IST1: variants seen among roughly 807,000 people sequenced by gnomAD.
IST1 encodes the protein IST1 homolog.
IST1 carries 23 observed loss-of-function variants against 37.0 expected under a neutral mutation model. The observed-to-expected ratio is 0.62, with a 90% confidence interval of 0.45 to 0.88. The LOEUF is 0.88. IST1 is among the 40% of genes least tolerant of loss of function. The pLI is 0.00. For synonymous variants in IST1, 180 were observed against 161.7 expected, an observed-to-expected ratio of 1.11 and a Z score of -0.86; for missense variants, 488 against 445.4, an observed-to-expected ratio of 1.10 and a Z score of -0.86.
chr16:71,921,250 C>T (rs1347464260), intron 5 of IST1, 93 bp from the exon 6 acceptor site: 6 of 767,520 alleles, frequency 7.8e-6, no homozygotes, highest in Non-Finnish European at 1.4e-5. Flanking sequence ...TCAATATTAC[C>T]TGTAAAATGA....
chr16:71,923,576 C>T, intron 8 of IST1, 196 bp downstream of exon 8: 1 of 428,508 alleles, frequency 2.3e-6, no homozygotes, highest in South Asian at 3.3e-5. Context: ...TCATTGGTGG[C>T]AATGCTTTGT....
At position 71,928,807 on chromosome 16, in the gene IST1, T is replaced by G. The variant is rs921154069; in HGVS notation, c.*994T>G. 1 of 152,270 alleles carries G rather than the reference T, an allele frequency of 6.6e-6. No individual in the cohort carries two copies. The highest frequency in any genetic ancestry group is 6.5e-5 in the Admixed American group (1 of 15,286). The allele number at this position is 152,270 out of a possible 1,614,324, so 9.4% of individuals were successfully genotyped here. A position where few individuals can be genotyped will look rare whatever the true frequency, so the allele number is the denominator to read the frequency against. On this transcript the variant is annotated 3_prime_UTR_variant, in exon 10 of 10. Coordinates refer to ENST00000378799, the MANE Select transcript of IST1 (RefSeq NM_001270975.2). Reference sequence around the variant, plus strand: ...CTTTCCTGGATGGATGGGACTCTTATGTCATAACTTCTGTTACTCCTTTGG... The same window carrying G: ...CTTTCCTGGATGGATGGGACTCTTAGGTCATAACTTCTGTTACTCCTTTGG...
chr16:71,923,273 T>A lies in IST1; in HGVS notation c.760-15T>A, dbSNP rs747261089. On this transcript the variant is annotated splice_polypyrimidine_tract_variant and intron_variant, in intron 7 of 9. Transcript: ENST00000378799. Reference sequence around the variant, plus strand: ...TGGAGGCAGTGTCTCTGATGTTGCCTTTCTCCTCTTACAGTCAGATTTCAA... The same window carrying A: ...TGGAGGCAGTGTCTCTGATGTTGCCATTCTCCTCTTACAGTCAGATTTCAA... The A allele has an allele frequency of 1.3e-6, 2 of 1,563,618 alleles. No homozygotes were observed. The highest frequency in any genetic ancestry group is 1.7e-5 in the Admixed American group (1 of 58,932).
At chr16:71,901,435 G>T (rs150722659) in intron 1 of IST1, among the ~76,000 whole-genome samples, 3 of 152,220 alleles carry the variant, frequency 2.0e-5, no homozygotes, top group South Asian at 4.1e-4. Flanking sequence ...GAATGGTCTC[G>T]ATCTCCTGAC....
intron 1 of IST1, among the ~76,000 whole-genome samples, chr16:71,898,359 T>A (rs1186799007): frequency 1.8e-5 from 2 of 108,906 alleles, no homozygotes; most frequent in Admixed American, 1.2e-4. Context: ...ACAGAGACAC[T>A]CTCTCTCTCA....
chr16:71,914,603 C>A (rs1368514587), intron 1 of IST1, among the ~76,000 whole-genome samples: 1 of 152,044 alleles, frequency 6.6e-6, no homozygotes, highest in Admixed American at 6.5e-5. Flanking sequence ...CCCATTTTAA[C>A]CTGGGACTTA....
chr16:71,930,975 T>A lies in IST1; in HGVS notation c.*3162T>A, dbSNP rs978316648. ...GTTTTACCTACTTAAAAATGATTAT[T>A]ATAACAATTTCAGGTCAACCAGATA... On this transcript the variant is annotated 3_prime_UTR_variant, in exon 10 of 10. Coordinates refer to ENST00000378799, the MANE Select transcript of IST1 (RefSeq NM_001270975.2). 6.6e-6 allele frequency: 1 copy of A among 152,228 alleles called. No individual in the cohort carries two copies. Among genetic ancestry groups the A allele is most frequent in the Non-Finnish European group, 1.5e-5 (1 of 68,040 alleles). The allele number at this position is 152,228 out of a possible 1,614,324, so 9.4% of individuals were successfully genotyped here. A position where few individuals can be genotyped will look rare whatever the true frequency, so the allele number is the denominator to read the frequency against.
At chr16:71,900,327 C>CTTTT (rs201344260) in intron 1 of IST1, among the ~76,000 whole-genome samples, 38 of 100,478 alleles carry the variant, frequency 3.8e-4, no homozygotes, top group African/African-American at 1.3e-3. Flanking sequence ...CTTAGGAAGT[C>CTTTT]TTTTTTTTTT....
At chr16:71,912,438 C>T (rs1163154771) in intron 1 of IST1, among the ~76,000 whole-genome samples, 1 of 152,036 alleles carries the variant, frequency 6.6e-6, no homozygotes, top group African/African-American at 2.4e-5. Flanking sequence ...GGGGTTTCAC[C>T]GTGTTAGCCA....
At chr16:71,909,095 C>CTTTTTTTTTTTTTTTTTT (rs34086105) in intron 1 of IST1, among the ~76,000 whole-genome samples, 7 of 102,932 alleles carry the variant, frequency 6.8e-5, no homozygotes, top group Non-Finnish European at 9.3e-5. Flanking sequence ...TTTTGTTTGT[C>CTTTTTTTTTTTTTTTTTT]TTTTTTTTTT....
chr16:71,920,407 AT>A (rs1192494109), intron 4 of IST1, among the ~76,000 whole-genome samples: 1 of 151,462 alleles, frequency 6.6e-6, no homozygotes, highest in Non-Finnish European at 1.5e-5. Flanking sequence ...CTTATGATTT[AT>A]TCTTTAACAA....
chr16:71,897,370 G>T (rs1244207872), intron 1 of IST1, among the ~76,000 whole-genome samples: 1 of 151,946 alleles, frequency 6.6e-6, no homozygotes, highest in East Asian at 1.9e-4. Context: ...TTATTATTTT[G>T]TCCAAATACT....
At chr16:71,897,803 A>G (rs2037008899) in intron 1 of IST1, among the ~76,000 whole-genome samples, 1 of 151,926 alleles carries the variant, frequency 6.6e-6, no homozygotes, top group African/African-American at 2.4e-5. Flanking sequence ...AAAATTAGCC[A>G]GGAGTGTTGG....
chr16:71,917,127 T>G lies in IST1; in HGVS notation c.350T>G (p.Leu117Trp). The G allele has an allele frequency of 6.3e-7, 1 of 1,597,366 alleles. No homozygotes were observed. Among genetic ancestry groups the G allele is most frequent in the Non-Finnish European group, 8.6e-7 (1 of 1,165,862 alleles). The change falls in exon 4 of 10, where the codon TTG becomes TGG. Residue 117 changes from leucine (L) to tryptophan (W), a missense_variant. Leu to Trp is a moderately conservative substitution (Grantham distance 61). Coordinates refer to ENST00000378799, the MANE Select transcript of IST1 (RefSeq NM_001270975.2). ...CGACTCCAGTCAGAAGTGGCTGAGT[T>G]GAAAATAGTGAGTACAAGTAGTTTC... ...APRLQSEVAE[L>W]KIVADQLCAK...
At chr16:71,917,795 C>T (rs1372750467) in intron 4 of IST1, among the ~76,000 whole-genome samples, 1 of 151,842 alleles carries the variant, frequency 6.6e-6, no homozygotes, top group Non-Finnish European at 1.5e-5. Flanking sequence ...TTTTAATTCT[C>T]TGAATATTTT....
chr16:71,924,187 T>A (rs2037682153), intron 8 of IST1: 3 of 455,892 alleles, frequency 6.6e-6, no homozygotes, highest in Admixed American at 2.4e-5. Context: ...GTCGAAAATC[T>A]TCATCAGTAT....
chr16:71,924,555 C>G, intron 8 of IST1: 1 of 594,780 alleles, frequency 1.7e-6, no homozygotes, highest in Non-Finnish European at 3.0e-6. Context: ...TGTATCACTG[C>G]ACTCCAGCCT....
chr16:71,904,793 G>A (rs1391741014), intron 1 of IST1, among the ~76,000 whole-genome samples: 1 of 152,126 alleles, frequency 6.6e-6, no homozygotes, highest in Non-Finnish European at 1.5e-5. Flanking sequence ...TTTGAAGTGA[G>A]TTTGTTGTTG....
intron 8 of IST1, 163 bp from the exon 9 acceptor site, chr16:71,924,606 C>G: frequency 1.6e-6 from 1 of 639,408 alleles, no homozygotes; most frequent in Non-Finnish European, 2.8e-6. Context: ...AGGAGTTCAA[C>G]ATAGTATCTA....
Sources: gnomAD v4.1 joint callset for allele counts (sites outside exome capture counted in the v4.1 genomes callset) on GRCh38, gnomAD v4.1.1 for gene constraint, MANE v1.5 for transcripts, NCBI Gene and HGNC (gene_info 2026-07-23, HGNC 2026-07-21) for gene names.